The following LZTFL1 variants were observed in gnomAD, a reference collection of about 807,000 sequenced individuals.
The protein encoded by LZTFL1 is leucine zipper transcription factor like 1, also known as leucine zipper transcription factor-like protein 1.
A neutral mutation model predicts 45.9 loss-of-function variants in LZTFL1; 25 were observed. That is an observed-to-expected ratio of 0.54 (90% CI 0.40 to 0.76). The LOEUF (loss-of-function observed/expected upper bound fraction) is 0.76. Among genes scored for constraint, LZTFL1 ranks in the 30% least tolerant of loss-of-function variants. The pLI is 0.00. For synonymous variants in LZTFL1, 93 were observed against 117.4 expected, an observed-to-expected ratio of 0.79 and a Z score of 1.35; for missense variants, 277 against 331.1, an observed-to-expected ratio of 0.84 and a Z score of 1.27.
chr3:45,901,629 G>A lies in LZTFL1; in HGVS notation c.-215+11491C>T, dbSNP rs199971970. 13 of 1,614,158 alleles carry A rather than the reference G, an allele frequency of 8.1e-6. No homozygotes were observed. The highest frequency in any genetic ancestry group is 5.3e-5 in the African/African-American group (4 of 75,026). On this transcript the variant is annotated intron_variant, in intron 2 of 4. Coordinates refer to the LZTFL1 transcript ENST00000472635. The surrounding 1 kb of genome is among the most constrained non-coding windows in gnomAD (Gnocchi z 4.3). ...CATTTTGTTGGTGCAGACCATTGAC[G>A]CCTATGCCATGTTCATCTCCAACTG...
rs1559399577 is a variant in LZTFL1, at chr3:45,826,104, T to G, written c.*210A>C. 1 of 567,040 alleles carries G rather than the reference T, an allele frequency of 1.8e-6. No individual in the cohort carries two copies. The highest frequency in any genetic ancestry group is 3.1e-6 in the Non-Finnish European group (1 of 319,434). The allele number at this position is 567,040 out of a possible 1,614,324, so 35.1% of individuals were successfully genotyped here. A position where few individuals can be genotyped will look rare whatever the true frequency, so the allele number is the denominator to read the frequency against. On this transcript the variant is annotated 3_prime_UTR_variant, in exon 10 of 10. Coordinates refer to ENST00000296135, the MANE Select transcript of LZTFL1 (RefSeq NM_020347.4). ...TGAGCTAAGACTCTGGAGCACTCAG[T>G]AGAGAGGTGTGTGGGATGACCAGAC... is the stretch of plus-strand genomic sequence containing the variant.
At chr3:45,864,848 T>C (rs1670615050) in intron 2 of LZTFL1, among the ~76,000 whole-genome samples, 1 of 152,140 alleles carries the variant, frequency 6.6e-6, no homozygotes, top group Admixed American at 6.5e-5. Flanking sequence ...TCTAACATGA[T>C]AAAAAGAAAC....
upstream of LZTFL1, among the ~76,000 whole-genome samples, chr3:45,844,474 A>G (rs181961364): frequency 7.2e-5 from 11 of 152,356 alleles, no homozygotes; most frequent in East Asian, 2.1e-3. Context: ...TAGGTGATAC[A>G]CAGAAAATGT....
intron 3 of LZTFL1, among the ~76,000 whole-genome samples, chr3:45,857,111 G>A (rs1416303949): frequency 1.3e-5 from 2 of 152,180 alleles, no homozygotes; most frequent in Non-Finnish European, 2.9e-5. Context: ...CAAAGACACA[G>A]ACTCAACCTA....
Position 45,913,250 on chromosome 3 carries a change from A to G in LZTFL1, c.-272-73T>C, listed in dbSNP as rs147854769. 161 of 1,097,080 alleles carry G rather than the reference A, an allele frequency of 1.5e-4. No homozygotes were observed. In the African/African-American group the frequency reaches 2.4e-3, roughly 16 times the overall value. 68.0% of individuals were successfully genotyped at this position (1,097,080 alleles called of 1,614,324 possible). On this transcript the variant is annotated intron_variant, in intron 1 of 4. Transcript: ENST00000472635. ...CTATTAACAAACCAGTGCTGCAATGAGCTGATCTTTCTCTTGTTTTTCATG... is the reference window on the plus strand; with the variant it reads ...CTATTAACAAACCAGTGCTGCAATGGGCTGATCTTTCTCTTGTTTTTCATG...
At chr3:45,861,976 GTGGTCAT>G (rs1192789616) in intron 2 of LZTFL1, among the ~76,000 whole-genome samples, 1 of 152,066 alleles carries the variant, frequency 6.6e-6, no homozygotes, top group Non-Finnish European at 1.5e-5. Context: ...TCCCCACCTG[GTGGTCAT>G]TATCTTTGTC....
intron 4 of LZTFL1, 111 bp from the exon 5 acceptor site, chr3:45,833,232 G>A (rs553548150): frequency 1.0e-3 from 760 of 733,558 alleles, no homozygotes; most frequent in Non-Finnish European, 1.7e-3. Flanking sequence ...CATATTCACT[G>A]CGATGTCAGT....
At chr3:45,867,630 G>A (rs933557728) in intron 2 of LZTFL1, among the ~76,000 whole-genome samples, 1 of 152,096 alleles carries the variant, frequency 6.6e-6, no homozygotes, top group Admixed American at 6.5e-5. Flanking sequence ...GATTCCTTGA[G>A]CCCAGGAATT....
chr3:45,891,636 G>A (rs897690794), intron 2 of LZTFL1, among the ~76,000 whole-genome samples: 9 of 152,040 alleles, frequency 5.9e-5, no homozygotes, highest in Non-Finnish European at 1.0e-4. Flanking sequence ...CACTATCATC[G>A]AATTCACAGC....
chr3:45,832,564 ATT>A (rs375667071), intron 5 of LZTFL1: 10 of 144,434 alleles, frequency 6.9e-5, no homozygotes, highest in Non-Finnish European at 1.1e-4. Flanking sequence ...CTGATAAATA[ATT>A]TTTTTTTTTT....
upstream of LZTFL1, among the ~76,000 whole-genome samples, chr3:45,844,277 G>C (rs1701183419): frequency 6.6e-6 from 1 of 152,116 alleles, no homozygotes; most frequent in South Asian, 2.1e-4. Flanking sequence ...TGTGTGCAAG[G>C]TTCTGTGGCC....
upstream of LZTFL1, among the ~76,000 whole-genome samples, chr3:45,843,086 C>T (rs143535858): frequency 2.5e-3 from 381 of 152,306 alleles, 5 homozygotes; most frequent in African/African-American, 8.7e-3. Flanking sequence ...AAGGCAGTGG[C>T]GTGGGTATGC....
intron 2 of LZTFL1, among the ~76,000 whole-genome samples, chr3:45,874,169 T>A (rs1245877547): frequency 1.3e-5 from 2 of 152,224 alleles, no homozygotes; most frequent in African/African-American, 4.8e-5. Flanking sequence ...CTTTGCTTCC[T>A]TTGCATCCTC....
intron 4 of LZTFL1, among the ~76,000 whole-genome samples, chr3:45,833,347 C>T (rs1700881295): frequency 6.6e-6 from 1 of 152,132 alleles, no homozygotes; most frequent in Non-Finnish European, 1.5e-5. Context: ...AAAAATAAAA[C>T]CTATCTTCCC....
chr3:45,894,654 A>G (rs757171298), intron 2 of LZTFL1, among the ~76,000 whole-genome samples: 50 of 152,214 alleles, frequency 3.3e-4, no homozygotes, highest in Non-Finnish European at 5.7e-4. Flanking sequence ...GAAAGAAAAC[A>G]AATGCTAGAA....
At chr3:45,841,430 T>C (rs1575263135) in intron 1 of LZTFL1, among the ~76,000 whole-genome samples, 1 of 152,226 alleles carries the variant, frequency 6.6e-6, no homozygotes, top group South Asian at 2.1e-4. Context: ...TCAGCTGTAA[T>C]ACGGGGTGCT....
At chr3:45,834,655 G>C (rs1478727149) in intron 3 of LZTFL1, 3 of 160,504 alleles carry the variant, frequency 1.9e-5, no homozygotes, top group Non-Finnish European at 4.1e-5. Flanking sequence ...TTAGCTAGTA[G>C]GTGTTCAAAA....
At chr3:45,905,323 C>CT (rs1702659640) in intron 2 of LZTFL1, among the ~76,000 whole-genome samples, 1 of 152,230 alleles carries the variant, frequency 6.6e-6, no homozygotes, top group Non-Finnish European at 1.5e-5. Flanking sequence ...AGCTAGTTCT[C>CT]TAATCATTCC....
intron 9 of LZTFL1, among the ~76,000 whole-genome samples, chr3:45,826,915 G>A (rs1423180275): frequency 6.6e-6 from 1 of 152,180 alleles, no homozygotes; most frequent in Non-Finnish European, 1.5e-5. Flanking sequence ...TGTAGAACAC[G>A]GACTTCTAAG....
Sources: gnomAD v4.1 joint callset for allele counts (sites outside exome capture counted in the v4.1 genomes callset) on GRCh38, gnomAD v4.1.1 for gene constraint, Gnocchi (gnomAD v3.1) non-coding constraint, MANE v1.5 for transcripts, NCBI Gene and HGNC (gene_info 2026-07-23, HGNC 2026-07-21) for gene names.